SPNS2: variants seen among roughly 807,000 people sequenced by gnomAD.
SPNS2 encodes the protein SPNS lysolipid transporter 2, sphingosine-1-phosphate.
A neutral mutation model predicts 57.6 loss-of-function variants in SPNS2; 37 were observed. The observed-to-expected ratio is 0.64, with a 90% confidence interval of 0.49 to 0.85. SPNS2 has a LOEUF of 0.85. Ranked by LOEUF, SPNS2 falls within the 40% of genes least tolerant of loss-of-function variation. The probability of loss-of-function intolerance (pLI) is 0.00; values close to 1 mark genes in which losing one functional copy is unlikely to be tolerated. For missense variants in SPNS2, 831 were observed against 779.1 expected, an observed-to-expected ratio of 1.07 and a Z score of -0.79; for synonymous variants, 440 against 346.9, an observed-to-expected ratio of 1.27 and a Z score of -2.98.
At position 4,537,458 on chromosome 17, in the gene SPNS2, A is replaced by G. The variant is rs1056855035; in HGVS notation, c.*10A>G. The G allele has an allele frequency of 4.4e-6, 2 of 452,370 alleles. No homozygotes were observed. The highest frequency in any genetic ancestry group is 2.0e-5 in the African/African-American group (1 of 50,022). 28.0% of individuals were successfully genotyped at this position (452,370 alleles called of 1,614,324 possible). ...CCTGACACCCCTTTCCCCAGGTGCC[A>G]TTGGGACAATGAAGAACCCACACTC... On this transcript the variant is annotated 3_prime_UTR_variant, in exon 13 of 13. Transcript: ENST00000329078.
Position 4,533,096 on chromosome 17 carries a change from C to T in SPNS2, c.1055C>T (p.Thr352Met), listed in dbSNP as rs773671931. The change falls in exon 7 of 13, where the codon ACG (threonine) becomes ATG (methionine). Residue 352 changes from threonine (T) to methionine (M), a missense_variant. Physicochemically the swap from Thr to Met is moderately conservative, Grantham distance 81 (BLOSUM62 -1). Coordinates refer to ENST00000329078, the MANE Select transcript of SPNS2 (RefSeq NM_001124758.3). The part of the protein sequence containing the change: ...RAQVVQKTAE[T>M]CNSPPCGAKD... ...CAAGTTGTGCAGAAGACAGCAGAGA[C>T]GTGCAACAGCCCGCCCTGTGGGGCC... is the stretch of plus-strand genomic sequence containing the variant. The T allele has an allele frequency of 3.3e-5, 54 of 1,612,548 alleles. No individual in the cohort carries two copies. The highest frequency in any genetic ancestry group is 4.2e-5 in the Non-Finnish European group (49 of 1,179,530).
At chr17:4,506,714 C>T (rs1020054384) in intron 1 of SPNS2, among the ~76,000 whole-genome samples, 4 of 152,074 alleles carry the variant, frequency 2.6e-5, no homozygotes, top group African/African-American at 9.7e-5. Flanking sequence ...AGGGGTGTTT[C>T]TCTAAGGGGC....
intron 3 of SPNS2, among the ~76,000 whole-genome samples, chr17:4,528,317 C>T (rs1905321239): frequency 1.3e-5 from 2 of 152,024 alleles, no homozygotes; most frequent in South Asian, 2.1e-4. Context: ...GCCACTGTGC[C>T]GGGCCCTGTG....
intron 3 of SPNS2, among the ~76,000 whole-genome samples, chr17:4,529,716 C>T (rs1226327782): frequency 6.6e-6 from 1 of 151,978 alleles, no homozygotes; most frequent in Non-Finnish European, 1.5e-5. Context: ...AGACAAATGA[C>T]CCACCAGAAA....
chr17:4,503,844 A>G (rs951695622), intron 1 of SPNS2, among the ~76,000 whole-genome samples: 9 of 152,176 alleles, frequency 5.9e-5, no homozygotes, highest in Admixed American at 2.6e-4. Flanking sequence ...ACTGCTCACT[A>G]ACACAAACCC....
At position 4,537,988 on chromosome 17, in the gene SPNS2, C is replaced by T. The variant is rs1344094319; in HGVS notation, c.*540C>T. Reference sequence around the variant, plus strand: ...CAGGGACCACTGCTCAGCTGGGCCTCGGACCTTGGGGATATTGGACGCAAC... The same window carrying T: ...CAGGGACCACTGCTCAGCTGGGCCTTGGACCTTGGGGATATTGGACGCAAC... On this transcript the variant is annotated 3_prime_UTR_variant, in exon 13 of 13. Transcript: ENST00000329078. 4.5e-5 allele frequency: 16 copies of T among 355,170 alleles called. No individual in the cohort carries two copies. The highest frequency in any genetic ancestry group is 2.1e-4 in the South Asian group (10 of 47,852). The allele number at this position is 355,170 out of a possible 1,614,324, so 22.0% of individuals were successfully genotyped here.
rs936313376 is a variant in SPNS2 at position 4,512,455 on chromosome 17, C to T, written c.371-792C>T. 2.0e-5 allele frequency among the ~76,000 whole-genome samples: 3 copies of T among 152,080 alleles called. No homozygotes were observed. The highest frequency in any genetic ancestry group is 7.2e-5 in the African/African-American group (3 of 41,402). ...TTTCTGGGTGGTCCAGCTGCTGCCC[C>T]CACCCCGTGACGTGCAAAGCCCTAA... On this transcript the variant is annotated intron_variant, in intron 1 of 12. Transcript: ENST00000329078. The surrounding 1 kb of genome is among the most constrained non-coding windows in gnomAD (Gnocchi z 5.2).
At chr17:4,534,156 G>A (rs1905645114) in intron 9 of SPNS2, among the ~76,000 whole-genome samples, 1 of 152,184 alleles carries the variant, frequency 6.6e-6, no homozygotes, top group African/African-American at 2.4e-5. Flanking sequence ...AGGTGGCGCT[G>A]CCTGCCCGCC....
chr17:4,513,405 C>G, intron 2 of SPNS2, 93 bp downstream of exon 2: 1 of 1,375,584 alleles, frequency 7.3e-7, no homozygotes, highest in African/African-American at 1.4e-5. Flanking sequence ...GGTCTGTCTT[C>G]CCCTGTCCTG....
At chr17:4,521,619 G>A (rs1231563783) in intron 2 of SPNS2, among the ~76,000 whole-genome samples, 1 of 152,248 alleles carries the variant, frequency 6.6e-6, no homozygotes, top group Non-Finnish European at 1.5e-5. Context: ...TTCAGGAATG[G>A]TGTGTGAGCT....
intron 3 of SPNS2, among the ~76,000 whole-genome samples, chr17:4,529,668 CTGAAAAAAGA>C (rs1355962833): frequency 1.2e-4 from 18 of 145,158 alleles, no homozygotes; most frequent in Non-Finnish European, 2.5e-4. Context: ...AAGACTCCAT[CTGAAAAAAGA>C]AGAAAAAAAA....
chr17:4,499,327 C>A lies in SPNS2; in HGVS notation c.280C>A (p.Pro94Thr), dbSNP rs1376214657. 2 of 1,491,822 alleles carry A rather than the reference C, an allele frequency of 1.3e-6. No homozygotes were observed. Among genetic ancestry groups the A allele is most frequent in the Non-Finnish European group, 1.8e-6 (2 of 1,127,162 alleles). The allele number at this position is 1,491,822 out of a possible 1,614,324, so 92.4% of individuals were successfully genotyped here. Residue 94 changes from proline (P) to threonine (T), a missense_variant, in exon 1 of 13, where the codon CCG (proline) becomes ACG (threonine). Pro to Thr is a conservative substitution (Grantham distance 38). Coordinates refer to ENST00000329078, the MANE Select transcript of SPNS2 (RefSeq NM_001124758.3). This position sits in a 1 kb window ranked among gnomAD's most constrained non-coding sequence, Gnocchi z 5.2. ...GGGCCCCGGCGCTCAGCAGCCCAAA[C>A]CGGCCAGCTTGGGCCGCGGGCGGGG... is the stretch of plus-strand genomic sequence containing the variant. ...AKGPGAQQPK[P>T]ASLGRGRGAA...
rs753526757 is a variant in SPNS2, at chr17:4,533,206, G to A, written c.1089-37G>A. The A allele has an allele frequency of 3.2e-5, 50 of 1,580,664 alleles. No individual in the cohort carries two copies. The South Asian group carries it at 3.4e-4, about 11-fold the overall frequency. Reference sequence around the variant, plus strand: ...AGCCCCTCAGCCTTAGCCCTGAGCCGCCTCAACTCGTGCGCCACCATCCTC... The same window carrying A: ...AGCCCCTCAGCCTTAGCCCTGAGCCACCTCAACTCGTGCGCCACCATCCTC... On this transcript the variant is annotated intron_variant, in intron 7 of 12. Coordinates refer to ENST00000329078, the MANE Select transcript of SPNS2 (RefSeq NM_001124758.3).
chr17:4,533,449 T>G lies in SPNS2; in HGVS notation c.1278+17T>G, dbSNP rs566419676. 55 of 1,577,084 alleles carry G rather than the reference T, an allele frequency of 3.5e-5. No homozygotes were observed. In the Admixed American group the frequency reaches 6.5e-4, roughly 19 times the overall value. On this transcript the variant is annotated intron_variant, in intron 8 of 12. Coordinates refer to ENST00000329078, the MANE Select transcript of SPNS2 (RefSeq NM_001124758.3). The stretch of plus-strand genomic sequence containing the variant: ...GGAGCCTATGTGAGTGCAGCGGGGG[T>G]CAAGGGTGCTGGGGGAGCTGGGCCT...
At chr17:4,533,483 G>A in intron 8 of SPNS2, 51 bp downstream of exon 8, 5 of 1,526,746 alleles carry the variant, frequency 3.3e-6, no homozygotes, top group Non-Finnish European at 4.4e-6. Context: ...CTGGGCCGCG[G>A]GAGGGTCTGG....
rs747072389 is a variant in SPNS2 at position 4,536,117 on chromosome 17, G to A, written c.1386G>A (p.Leu462=). 1.9e-6 allele frequency: 3 copies of A among 1,612,642 alleles called. No homozygotes were observed. The highest frequency in any genetic ancestry group is 4.5e-5 in the East Asian group (2 of 44,878). ...CGCGGCGCGCCACTGCCGTGGCCTT[G>A]CAGAGCTTCACCTCCCACCTGCTGG... is the stretch of plus-strand genomic sequence containing the variant. ...IPTRRATAVA[L]QSFTSHLLGD... Residue 462 remains leucine (L), a synonymous_variant, in exon 10 of 13, where the codon TTG becomes TTA. Coordinates refer to ENST00000329078, the MANE Select transcript of SPNS2 (RefSeq NM_001124758.3).
In SPNS2 at chr17:4,536,322, G is replaced by C; in HGVS notation, c.1503G>C (p.Leu501=). 2 of 1,612,320 alleles carry C rather than the reference G, an allele frequency of 1.2e-6. No homozygotes were observed. Among genetic ancestry groups the C allele is most frequent in the Non-Finnish European group, 1.7e-6 (2 of 1,179,944 alleles). The change falls in exon 11 of 13, where the codon CTG becomes CTC. Residue 501 remains leucine, a synonymous_variant. Coordinates refer to ENST00000329078, the MANE Select transcript of SPNS2 (RefSeq NM_001124758.3). ...KDSPLWEFLS[L]GYALMLCPFV... is the part of the protein sequence containing the mutation. Reference sequence around the variant, plus strand: ...CCCCGCTCTGGGAGTTCCTGAGCCTGGGCTACGCGCTCATGCTCTGCCCTT... The same window carrying C: ...CCCCGCTCTGGGAGTTCCTGAGCCTCGGCTACGCGCTCATGCTCTGCCCTT...
At chr17:4,536,560 G>A in intron 11 of SPNS2, 134 bp downstream of exon 11, 1 of 1,170,936 alleles carries the variant, frequency 8.5e-7, no homozygotes, top group South Asian at 1.6e-5. Context: ...ACTGGTTGCT[G>A]GGGTCCAGCC....
At chr17:4,513,179 G>C in intron 1 of SPNS2, 68 bp from the exon 2 acceptor site, 1 of 1,550,962 alleles carries the variant, frequency 6.4e-7, no homozygotes, top group Non-Finnish European at 8.9e-7. Context: ...CGGGAAAGAG[G>C]CTGGGCTGGT....
Sources: gnomAD v4.1 joint callset for allele counts (sites outside exome capture counted in the v4.1 genomes callset) on GRCh38, gnomAD v4.1.1 for gene constraint, Gnocchi (gnomAD v3.1) non-coding constraint, MANE v1.5 for transcripts, NCBI Gene and HGNC (gene_info 2026-07-23, HGNC 2026-07-21) for gene names.